NFIB: variants seen among roughly 807,000 people sequenced by gnomAD.
NFIB encodes the protein nuclear factor I B, also known as nuclear factor 1 B-type.
NFIB carries 11 observed loss-of-function variants against 61.5 expected under a neutral mutation model. The observed-to-expected ratio is 0.18, with a 90% CI of 0.11 to 0.30. NFIB has a LOEUF of 0.30. Ranked by LOEUF, NFIB falls within the 10% of genes least tolerant of loss-of-function variation. The pLI is 1.00. For synonymous variants in NFIB, 260 were observed against 216.5 expected, an observed-to-expected ratio of 1.20 and a Z score of -1.76; for missense variants, 471 against 608.9, an observed-to-expected ratio of 0.77 and a Z score of 2.38.
chr9:14,159,861 G>A (rs915303346), intron 3 of NFIB, among the ~76,000 whole-genome samples: 4 of 152,110 alleles, frequency 2.6e-5, no homozygotes, highest in Non-Finnish European at 5.9e-5. Flanking sequence ...CAAGGTCCTT[G>A]GGCCTTTCAG....
the NFIB span, among the ~76,000 whole-genome samples, chr9:14,411,176 C>T: frequency 1.3e-5 from 2 of 152,168 alleles, no homozygotes; most frequent in African/African-American, 4.8e-5. Flanking sequence ...TCAGACTTCC[C>T]ACAAAGTCAC....
chr9:14,110,946 G>A (rs555778611), intron 10 of NFIB, among the ~76,000 whole-genome samples: 1 of 152,134 alleles, frequency 6.6e-6, no homozygotes, highest in South Asian at 2.1e-4. Flanking sequence ...TTATCTGTCT[G>A]CATGGTATTT....
chr9:14,370,479 G>A (rs1451694063), intron 1 of NFIB, among the ~76,000 whole-genome samples: 6 of 152,204 alleles, frequency 3.9e-5, no homozygotes, highest in Admixed American at 3.9e-4. Context: ...CACGTAGAAG[G>A]TGGGATAATA....
intron 1 of NFIB, among the ~76,000 whole-genome samples, chr9:14,355,973 A>T (rs10961485): frequency 0.19 from 22,072 of 117,588 alleles, 1,950 homozygotes; most frequent in Middle Eastern, 0.27. Context: ...ACAAACAAAT[A>T]AAAAAAAAAA....
intron 1 of NFIB, among the ~76,000 whole-genome samples, chr9:14,390,592 T>G (rs371142123): frequency 6.6e-6 from 1 of 152,246 alleles, no homozygotes; most frequent in African/African-American, 2.4e-5. Flanking sequence ...AAAATTCATA[T>G]GTTGAAACCT....
chr9:14,229,508 C>A (rs1275721737), intron 2 of NFIB, among the ~76,000 whole-genome samples: 2 of 152,184 alleles, frequency 1.3e-5, no homozygotes, highest in African/African-American at 4.8e-5. Flanking sequence ...TAAATATAAA[C>A]TGGAGATAAA....
At chr9:14,219,380 G>GT (rs1395782244) in intron 2 of NFIB, among the ~76,000 whole-genome samples, 3 of 9,748 alleles carry the variant, frequency 3.1e-4, no homozygotes, top group Non-Finnish European at 4.7e-4. Context: ...TAGCACTAGG[G>GT]TAAAAAAAAA....
At chr9:14,359,348 G>A (rs1349614273) in intron 1 of NFIB, among the ~76,000 whole-genome samples, 1 of 152,176 alleles carries the variant, frequency 6.6e-6, no homozygotes, top group Non-Finnish European at 1.5e-5. Flanking sequence ...ACCCTTATGG[G>A]ATAAAGGCAG....
intron 8 of NFIB, among the ~76,000 whole-genome samples, chr9:14,119,573 G>C (rs540266484): frequency 6.6e-6 from 1 of 152,054 alleles, no homozygotes; most frequent in African/African-American, 2.4e-5. Flanking sequence ...ATGTTCCACC[G>C]TAGTAATGAC....
At chr9:14,339,139 T>C (rs1165880431) in intron 1 of NFIB, among the ~76,000 whole-genome samples, 1 of 152,168 alleles carries the variant, frequency 6.6e-6, no homozygotes, top group Non-Finnish European at 1.5e-5. Context: ...GTAGCAAGTA[T>C]CCTGTCAGAA....
the NFIB span, among the ~76,000 whole-genome samples, chr9:14,529,553 G>A: frequency 2.2e-4 from 33 of 152,136 alleles, no homozygotes; most frequent in Non-Finnish European, 3.8e-4. Flanking sequence ...AAAAGTAACC[G>A]CCATGTATTC....
intron 1 of NFIB, among the ~76,000 whole-genome samples, chr9:14,360,107 G>A (rs1461247363): frequency 3.3e-5 from 5 of 152,108 alleles, no homozygotes; most frequent in African/African-American, 1.2e-4. Context: ...TTTAAATGAG[G>A]CATAACTAAA....
rs377032397 is a variant in NFIB at position 14,150,364 on chromosome 9, TAGAG to T, written c.686-103_686-100del. 1.5e-5 allele frequency: 23 copies of T among 1,563,202 alleles called. 1 individual carries two copies. The highest frequency in any genetic ancestry group is 2.7e-5 in the African/African-American group (2 of 73,374). On this transcript the variant is annotated intron_variant, in intron 4 of 10. Coordinates refer to ENST00000380953, the MANE Select transcript of NFIB (RefSeq NM_001190737.2). ...AATCTTTCATGCCTCTGGTCAAAGATAGAGAGAACTTTCTTCACCTTAAGCCTCT... is the reference window on the plus strand; with the variant it reads ...AATCTTTCATGCCTCTGGTCAAAGATAGAACTTTCTTCACCTTAAGCCTCT...
In NFIB at chr9:14,188,632, A is replaced by G. The variant is rs373448454; in HGVS notation, c.563-8852T>C. 2.6e-5 allele frequency among the ~76,000 whole-genome samples: 4 copies of G among 152,376 alleles called. No individual in the cohort carries two copies. In the East Asian group the frequency reaches 7.7e-4, roughly 29 times the overall value. Reference sequence around the variant, plus strand: ...ATAAATGCTGCCCATATCTTATAATATTAGATGAACACGCCACTGCGTACT... The same window carrying G: ...ATAAATGCTGCCCATATCTTATAATGTTAGATGAACACGCCACTGCGTACT... On this transcript the variant is annotated intron_variant, in intron 2 of 10. Coordinates refer to ENST00000380953, the MANE Select transcript of NFIB (RefSeq NM_001190737.2).
In NFIB at chr9:14,154,756, T is replaced by C. The variant is rs544885705; in HGVS notation, c.685+1069A>G. ...CGTTCATATGTATCACTCCCTGCTA[T>C]ACATGCTATTTGCACTGTTCACTTT... On this transcript the variant is annotated intron_variant, in intron 4 of 10. Coordinates refer to ENST00000380953, the MANE Select transcript of NFIB (RefSeq NM_001190737.2). 7.9e-5 allele frequency among the ~76,000 whole-genome samples: 12 copies of C among 152,342 alleles called. No individual in the cohort carries two copies. In the South Asian group the frequency reaches 2.5e-3, roughly 32 times the overall value.
Position 14,106,410 on chromosome 9 carries a change from T to G in NFIB, c.1467+6589A>C, listed in dbSNP as rs148658277. ...AAGGTGAACTAAGAAAGTAAGATTA[T>G]CTTCCAAAAAAGCTATCAGTAAAGG... On this transcript the variant is annotated intron_variant, in intron 10 of 10. Coordinates refer to ENST00000380953, the MANE Select transcript of NFIB (RefSeq NM_001190737.2). Among the ~76,000 whole-genome samples the G allele has an allele frequency of 5.3e-3, 813 of 152,180 alleles. 7 individuals carry two copies. Among genetic ancestry groups the G allele is most frequent in the African/African-American group, 0.018 (764 of 41,558 alleles).
intron 2 of NFIB, among the ~76,000 whole-genome samples, chr9:14,234,128 C>G (rs2053496816): frequency 6.6e-6 from 1 of 152,116 alleles, no homozygotes; most frequent in African/African-American, 2.4e-5. Flanking sequence ...ATTGAACAGT[C>G]AAACCTAGGA....
chr9:14,374,670 G>A (rs945351382), intron 1 of NFIB, among the ~76,000 whole-genome samples: 57 of 152,222 alleles, frequency 3.7e-4, no homozygotes, highest in African/African-American at 1.3e-3. Context: ...AGCACTTTGT[G>A]AGGCTGAAGC....
the NFIB span, among the ~76,000 whole-genome samples, chr9:14,466,449 A>T: frequency 6.6e-6 from 1 of 152,084 alleles, no homozygotes; most frequent in African/African-American, 2.4e-5. Context: ...GGATCGCACC[A>T]TCCTCTGGGC....
Sources: gnomAD v4.1 joint callset for allele counts (sites outside exome capture counted in the v4.1 genomes callset) on GRCh38, gnomAD v4.1.1 for gene constraint, MANE v1.5 for transcripts, NCBI Gene and HGNC (gene_info 2026-07-23, HGNC 2026-07-21) for gene names.